The following NUP107 variants were observed in gnomAD, a reference collection of about 807,000 sequenced individuals.
The protein encoded by NUP107 is nucleoporin 107.
A neutral mutation model predicts 141.0 loss-of-function variants in NUP107; 101 were observed. That is an observed-to-expected ratio of 0.72 (90% confidence interval 0.61 to 0.84). The LOEUF (loss-of-function observed/expected upper bound fraction) is 0.84, where lower values mean the gene tolerates loss of function less well. Among genes scored for constraint, NUP107 ranks in the 40% least tolerant of loss-of-function variants. The pLI is 0.00. For synonymous variants in NUP107, 319 were observed against 363.9 expected (o/e 0.88, Z 1.41); for missense variants, 941 against 1,102.7 (o/e 0.85, Z 2.08).
rs1343553701 is a variant in NUP107, at chr12:68,696,806, TG to T, written c.449-12del. 1.1e-5 allele frequency: 16 copies of T among 1,418,382 alleles called. No homozygotes were observed. The highest frequency in any genetic ancestry group is 2.3e-5 in the East Asian group (1 of 43,056). 87.9% of individuals were successfully genotyped at this position (1,418,382 alleles called of 1,614,324 possible). A position where few individuals can be genotyped will look rare whatever the true frequency, so the allele number is the denominator to read the frequency against. ...TTTTCTTTATTCCTTTTTTTTTTTT[TG>T]ATGTGTTCTAGCATCCATGAGTATG... On this transcript the variant is annotated splice_polypyrimidine_tract_variant and intron_variant, in intron 5 of 27. Coordinates refer to ENST00000229179, the MANE Select transcript of NUP107 (RefSeq NM_020401.4).
chr12:68,731,203 G>C lies in NUP107; in HGVS notation c.1828G>C (p.Glu610Gln). 1 of 1,612,560 alleles carries C rather than the reference G, an allele frequency of 6.2e-7. No homozygotes were observed. Among genetic ancestry groups the C allele is most frequent in the Non-Finnish European group, 8.5e-7 (1 of 1,179,328 alleles). ...LAVAQYALFL[E>Q]SVTEFEQRHH... is the part of the protein sequence containing the mutation. ...TGTTGCCCAGTATGCATTATTTTTG[G>C]AAAGTGTTACAGAATTTGAACAGCG... The change falls in exon 21 of 28, where the codon GAA (glutamate) becomes CAA (glutamine). Residue 610 changes from glutamate (E) to glutamine (Q), a missense_variant. Transcript: ENST00000229179.
chr12:68,737,823 G>A (rs1396778403), intron 26 of NUP107, among the ~76,000 whole-genome samples: 4 of 152,228 alleles, frequency 2.6e-5, no homozygotes, highest in African/African-American at 4.8e-5. Context: ...CTGCTAACAC[G>A]TGTCACTTGT....
At position 68,692,032 on chromosome 12, in the gene NUP107, C is replaced by G. The variant is rs374673038; in HGVS notation, c.368C>G (p.Thr123Arg). 2.2e-4 allele frequency: 348 copies of G among 1,611,962 alleles called. No individual in the cohort carries two copies. Among genetic ancestry groups the G allele is most frequent in the Non-Finnish European group, 2.8e-4 (331 of 1,178,848 alleles). ...AFSSQRSGLF[T>R]NTEPHSITED... ...TCATCACAGCGTTCCGGGCTGTTCA[C>G]AAACACAGAGCCCCACAGTATAACA... The change falls in exon 5 of 28, where the codon ACA (threonine) becomes AGA (arginine). Residue 123 changes from threonine (T) to arginine (R), a missense_variant. Thr to Arg is a moderately conservative substitution (Grantham distance 71, BLOSUM62 -1). Transcript: ENST00000229179.
intron 24 of NUP107, 137 bp downstream of exon 24, chr12:68,733,749 C>A: frequency 1.3e-6 from 1 of 745,098 alleles, no homozygotes; most frequent in Non-Finnish European, 2.1e-6. Flanking sequence ...GACTCATCCA[C>A]AAGGGGACTG....
At chr12:68,713,656 C>T (rs1404362638) in intron 10 of NUP107, 74 bp from the exon 11 acceptor site, 8 of 1,036,276 alleles carry the variant, frequency 7.7e-6, no homozygotes, top group Non-Finnish European at 1.2e-5. Context: ...CTTCCTTTGA[C>T]TTGATTTGAT....
chr12:68,690,799 A>C, intron 4 of NUP107, 53 bp downstream of exon 4: 1 of 1,574,444 alleles, frequency 6.4e-7, no homozygotes, highest in Non-Finnish European at 8.7e-7. Context: ...GTGGTGGCTC[A>C]CATCTGTAAT....
chr12:68,726,505 T>C lies in NUP107; in HGVS notation c.1583T>C (p.Met528Thr). 1 of 1,606,934 alleles carries C rather than the reference T, an allele frequency of 6.2e-7. No individual in the cohort carries two copies. Residue 528 changes from methionine to threonine, a missense_variant, in exon 19 of 28, where the codon ATG becomes ACG. Coordinates refer to ENST00000229179, the MANE Select transcript of NUP107 (RefSeq NM_020401.4). The stretch of plus-strand genomic sequence containing the variant: ...TCACTTTGATGGCTTGTAGGTTTGA[T>C]GGATGAGTTTAGCAAATGGCTTTCC... The part of the protein sequence containing the change: ...FLILGDIDGL[M>T]DEFSKWLSKS...
At chr12:68,732,362 A>C (rs1388903794) in intron 22 of NUP107, among the ~76,000 whole-genome samples, 2 of 152,062 alleles carry the variant, frequency 1.3e-5, no homozygotes, top group African/African-American at 4.8e-5. Context: ...TCTCGAACTC[A>C]TGAGCTCAAG....
intron 8 of NUP107, among the ~76,000 whole-genome samples, chr12:68,705,051 T>G (rs1035778741): frequency 1.3e-5 from 2 of 151,934 alleles, no homozygotes; most frequent in African/African-American, 4.8e-5. Flanking sequence ...CCTGGCTAAT[T>G]TCTTTTTTAT....
rs556890914 is a variant in NUP107 at position 68,697,920 on chromosome 12, T to C, written c.552+998T>C. ...GTGGGCACCTGTAATCCCAGCTACT[T>C]AGGAGCCTGAGGCAGGAGAATCGCT... On this transcript the variant is annotated intron_variant, in intron 6 of 27. Coordinates refer to ENST00000229179, the MANE Select transcript of NUP107 (RefSeq NM_020401.4). 6.0e-5 allele frequency among the ~76,000 whole-genome samples: 9 copies of C among 150,686 alleles called. No homozygotes were observed. The South Asian group carries it at 1.9e-3, about 32-fold the overall frequency.
intron 20 of NUP107, among the ~76,000 whole-genome samples, chr12:68,730,058 C>T (rs777928136): frequency 1.3e-5 from 2 of 151,612 alleles, no homozygotes; most frequent in Non-Finnish European, 2.9e-5. Context: ...GACTCCTGGG[C>T]TCAAACAGTC....
At chr12:68,736,717 C>CTTTTTT (rs10713889) in intron 26 of NUP107, among the ~76,000 whole-genome samples, 13 of 105,878 alleles carry the variant, frequency 1.2e-4, no homozygotes, top group African/African-American at 2.6e-4. Flanking sequence ...GTGTCGCCAC[C>CTTTTTT]TTTTTTTTTT....
In NUP107 at chr12:68,742,816, A is replaced by G. The variant is rs940088914; in HGVS notation, c.*354A>G. On this transcript the variant is annotated 3_prime_UTR_variant, in exon 28 of 28. Transcript: ENST00000229179. ...TGGAAAGTAGATTTATTTTTAAGCC[A>G]GGTACGTAATTTTTTATTTATCATA... is the stretch of plus-strand genomic sequence containing the variant. 1 of 153,052 alleles carries G rather than the reference A, an allele frequency of 6.5e-6. No individual in the cohort carries two copies. Among genetic ancestry groups the G allele is most frequent in the South Asian group, 2.1e-4 (1 of 4,838 alleles). 9.5% of individuals were successfully genotyped at this position (153,052 alleles called of 1,614,324 possible). A position where few individuals can be genotyped will look rare whatever the true frequency, so the allele number is the denominator to read the frequency against.
chr12:68,714,327 AAG>A (rs1877006808), intron 11 of NUP107: 1 of 152,200 alleles, frequency 6.6e-6, no homozygotes, highest in Non-Finnish European at 1.5e-5. Flanking sequence ...TTTAGTAACA[AAG>A]AGGTTTTTGA....
rs886804241 is a variant in NUP107, at chr12:68,742,825, A to T, written c.*363A>T. The T allele has an allele frequency of 6.5e-6, 1 of 152,732 alleles. No individual in the cohort carries two copies. The highest frequency in any genetic ancestry group is 2.4e-5 in the African/African-American group (1 of 41,480). 9.5% of individuals were successfully genotyped at this position (152,732 alleles called of 1,614,324 possible). A position where few individuals can be genotyped will look rare whatever the true frequency, so the allele number is the denominator to read the frequency against. On this transcript the variant is annotated 3_prime_UTR_variant, in exon 28 of 28. Transcript: ENST00000229179. ...GATTTATTTTTAAGCCAGGTACGTA[A>T]TTTTTTATTTATCATAAAATTTAGT...
chr12:68,688,027 G>A (rs1875591139), intron 1 of NUP107, among the ~76,000 whole-genome samples: 1 of 151,906 alleles, frequency 6.6e-6, no homozygotes, highest in African/African-American at 2.4e-5. Context: ...GAGGTGCTAG[G>A]ATATGAAAAA....
intron 8 of NUP107, chr12:68,707,183 C>T (rs1876625589): frequency 6.4e-6 from 3 of 466,484 alleles, no homozygotes; most frequent in Middle Eastern, 5.8e-4. Flanking sequence ...CCCTAGCCCT[C>T]TGCCCACCCG....
intron 8 of NUP107, chr12:68,707,101 C>T (rs1876620789): frequency 3.5e-6 from 2 of 564,644 alleles, no homozygotes; most frequent in South Asian, 4.2e-5. Flanking sequence ...CTAGCCTACC[C>T]CTTCTGCGGC....
chr12:68,715,005 G>T (rs1175478412), intron 11 of NUP107, among the ~76,000 whole-genome samples: 1 of 152,154 alleles, frequency 6.6e-6, no homozygotes, highest in African/African-American at 2.4e-5. Flanking sequence ...TGCTGTGATA[G>T]AGTGAAACTC....
Sources: allele counts gnomAD v4.1 joint callset (sites outside exome capture counted in the v4.1 genomes callset), GRCh38; gene constraint gnomAD v4.1.1; transcripts MANE v1.5; gene names NCBI Gene and HGNC (gene_info 2026-07-23, HGNC 2026-07-21).